The following ST6GALNAC3 variants were observed in gnomAD, a reference collection of about 807,000 sequenced individuals.
ST6GALNAC3 encodes the protein ST6 N-acetylgalactosaminide alpha-2,6-sialyltransferase 3, also known as alpha-N-acetylgalactosaminide alpha-2,6-sialyltransferase 3.
ST6GALNAC3 carries 25 observed loss-of-function variants against 32.7 expected under a neutral mutation model. That is an observed-to-expected ratio of 0.76 (90% confidence interval 0.56 to 1.07). The LOEUF (loss-of-function observed/expected upper bound fraction) is 1.07, where lower values mean the gene tolerates loss of function less well. ST6GALNAC3 is among the 50% of genes least tolerant of loss of function. The pLI is 0.00. For missense variants in ST6GALNAC3, 355 were observed against 382.4 expected, an observed-to-expected ratio of 0.93 and a Z score of 0.60; for synonymous variants, 129 against 133.1, an observed-to-expected ratio of 0.97 and a Z score of 0.21.
At chr1:76,356,439 A>AAC in intron 2 of ST6GALNAC3, among the ~76,000 whole-genome samples, 1 of 151,494 alleles carries the variant, frequency 6.6e-6, no homozygotes, top group East Asian at 1.9e-4. Flanking sequence ...AGGGTTAAAA[A>AAC]AAAAAAAAAA....
intron 3 of ST6GALNAC3, among the ~76,000 whole-genome samples, chr1:76,519,622 A>G (rs1449157873): frequency 1.3e-5 from 2 of 152,136 alleles, no homozygotes; most frequent in Non-Finnish European, 2.9e-5. Context: ...TGGTTCATTA[A>G]TCTTTGTGGA....
chr1:76,360,856 C>T (rs1165540960), intron 2 of ST6GALNAC3, among the ~76,000 whole-genome samples: 4 of 152,108 alleles, frequency 2.6e-5, no homozygotes, highest in Non-Finnish European at 5.9e-5. Flanking sequence ...GTCAGAGTCT[C>T]AATTTCAAGG....
chr1:76,177,662 A>T (rs964912791), intron 1 of ST6GALNAC3, among the ~76,000 whole-genome samples: 6 of 152,192 alleles, frequency 3.9e-5, no homozygotes, highest in African/African-American at 1.4e-4. Flanking sequence ...AGTGCAGAGG[A>T]GAATTAATAT....
chr1:76,303,810 A>G (rs1222271934), intron 1 of ST6GALNAC3, among the ~76,000 whole-genome samples: 4 of 152,094 alleles, frequency 2.6e-5, no homozygotes, highest in Admixed American at 6.6e-5. Context: ...CACCATTCAG[A>G]TTTACAAGTT....
intron 3 of ST6GALNAC3, among the ~76,000 whole-genome samples, chr1:76,485,825 AT>A (rs1660073781): frequency 6.6e-6 from 1 of 152,138 alleles, no homozygotes; most frequent in African/African-American, 2.4e-5. Context: ...TAGGGTGTCC[AT>A]TTTAGATCTT....
intron 1 of ST6GALNAC3, among the ~76,000 whole-genome samples, chr1:76,132,243 C>G (rs1314822538): frequency 6.6e-6 from 1 of 152,180 alleles, no homozygotes; most frequent in Admixed American, 6.5e-5. Flanking sequence ...GGTAGCACAG[C>G]TCCTCCTCTT....
chr1:76,205,619 C>A (rs960815550), intron 1 of ST6GALNAC3, among the ~76,000 whole-genome samples: 5 of 152,152 alleles, frequency 3.3e-5, no homozygotes, highest in Non-Finnish European at 7.3e-5. Flanking sequence ...ATGAATGAGA[C>A]CCTCGCTGCT....
At chr1:76,518,115 CTTGT>C (rs1444284270) in intron 3 of ST6GALNAC3, among the ~76,000 whole-genome samples, 1 of 151,640 alleles carries the variant, frequency 6.6e-6, no homozygotes, top group Non-Finnish European at 1.5e-5. Flanking sequence ...CAACAGTGAA[CTTGT>C]TTATTTCTCC....
rs575594535 is a variant in ST6GALNAC3, at chr1:76,602,154, G to A, written c.624-25298G>A. Among the ~76,000 whole-genome samples the A allele has an allele frequency of 3.3e-5, 5 of 152,266 alleles. No homozygotes were observed. In the East Asian group the frequency reaches 5.8e-4, roughly 18 times the overall value. On this transcript the variant is annotated intron_variant, in intron 3 of 4. Coordinates refer to ENST00000328299, the MANE Select transcript of ST6GALNAC3 (RefSeq NM_152996.4). The stretch of plus-strand genomic sequence containing the variant: ...GACAAAACTGAGAGGCCTAACTACA[G>A]ACAGCTTGGTTAAGGATTGCATGTA...
At chr1:76,580,977 T>C (rs1348997035) in intron 3 of ST6GALNAC3, among the ~76,000 whole-genome samples, 1 of 152,060 alleles carries the variant, frequency 6.6e-6, no homozygotes, top group East Asian at 1.9e-4. Flanking sequence ...TGCCAAGAGG[T>C]TGAAATAATT....
At chr1:76,081,367 A>G (rs970144053) in intron 1 of ST6GALNAC3, among the ~76,000 whole-genome samples, 1 of 151,990 alleles carries the variant, frequency 6.6e-6, no homozygotes, top group East Asian at 1.9e-4. Flanking sequence ...GTTGGGCCAC[A>G]TTCAAAGCTG....
At chr1:76,390,069 G>A (rs574895410) in intron 2 of ST6GALNAC3, among the ~76,000 whole-genome samples, 7 of 152,010 alleles carry the variant, frequency 4.6e-5, no homozygotes, top group African/African-American at 9.7e-5. Context: ...TATACTTATC[G>A]TTTTAATGGG....
chr1:76,419,995 A>G (rs1654919581), intron 3 of ST6GALNAC3, among the ~76,000 whole-genome samples: 1 of 149,424 alleles, frequency 6.7e-6, no homozygotes. Context: ...TTTAATAGGC[A>G]AGAAAGAAGG....
In ST6GALNAC3 at chr1:76,628,470, A is replaced by G. The variant is rs1649114375; in HGVS notation, c.732-150A>G. On this transcript the variant is annotated intron_variant, in intron 4 of 4. Coordinates refer to ENST00000328299, the MANE Select transcript of ST6GALNAC3 (RefSeq NM_152996.4). ...TACATCTTCCTAAAAGCTTTCATACATATAATAGCTTTTAACTGAGTTCAT... is the reference window on the plus strand; with the variant it reads ...TACATCTTCCTAAAAGCTTTCATACGTATAATAGCTTTTAACTGAGTTCAT... 1.2e-5 allele frequency: 9 copies of G among 726,700 alleles called. No homozygotes were observed. The South Asian group carries it at 1.6e-4, about 13-fold the overall frequency. 45.0% of individuals were successfully genotyped at this position (726,700 alleles called of 1,614,324 possible).
intron 2 of ST6GALNAC3, among the ~76,000 whole-genome samples, chr1:76,345,991 C>T (rs542038406): frequency 1.3e-5 from 2 of 152,108 alleles, no homozygotes; most frequent in South Asian, 2.1e-4. Context: ...GCAAAAGTCT[C>T]CCATGGCCAC....
At chr1:76,549,168 A>C (rs1303968419) in intron 3 of ST6GALNAC3, among the ~76,000 whole-genome samples, 2 of 152,216 alleles carry the variant, frequency 1.3e-5, no homozygotes, top group East Asian at 3.8e-4. Context: ...AATTCCCACC[A>C]TTCAGCTCTA....
At chr1:76,595,211 A>T (rs1482485151) in intron 3 of ST6GALNAC3, among the ~76,000 whole-genome samples, 2 of 152,130 alleles carry the variant, frequency 1.3e-5, no homozygotes, top group Non-Finnish European at 2.9e-5. Context: ...GCCTGAAGCC[A>T]ACACAATCTG....
chr1:76,236,025 G>A (rs1656635999), intron 1 of ST6GALNAC3, among the ~76,000 whole-genome samples: 1 of 151,936 alleles, frequency 6.6e-6, no homozygotes, highest in South Asian at 2.1e-4. Context: ...GCCCAGGCTG[G>A]AGTGCAAGGA....
chr1:76,302,155 T>G (rs1260673042), intron 1 of ST6GALNAC3, among the ~76,000 whole-genome samples: 2 of 152,088 alleles, frequency 1.3e-5, no homozygotes. Context: ...TAAGAATACT[T>G]ATACTCAGTA....
Sources: gnomAD v4.1 joint callset for allele counts (sites outside exome capture counted in the v4.1 genomes callset) on GRCh38, gnomAD v4.1.1 for gene constraint, MANE v1.5 for transcripts, NCBI Gene and HGNC (gene_info 2026-07-23, HGNC 2026-07-21) for gene names.